The following MICA variants were observed in gnomAD, a reference collection of about 807,000 sequenced individuals.
MICA encodes the protein HLA class I antigen.
MICA carries 18 observed loss-of-function variants against 34.3 expected under a neutral mutation model. The ratio of observed to expected loss-of-function variants is 0.52; its 90% confidence interval spans 0.36 to 0.78. The LOEUF (loss-of-function observed/expected upper bound fraction) is 0.78. Ranked by LOEUF, MICA falls within the 30% of genes least tolerant of loss-of-function variation. MICA has a pLI of 0.00. For missense variants in MICA, 333 were observed against 409.4 expected, an observed-to-expected ratio of 0.81 and a Z score of 1.61; for synonymous variants, 135 against 156.9, an observed-to-expected ratio of 0.86 and a Z score of 1.04.
At position 31,412,418 on chromosome 6, in the gene MICA, G is replaced by A. The variant is rs72558178; in HGVS notation, c.986G>A (p.Cys329Tyr). ...TATTTTTGTTATTATTATTTTCTAT[G>A]TCCGTTGTTGTAAGAAGAAAACATC... ...CCYFCYYYFL[C>Y]PLL The change falls in exon 5 of 6, where the codon TGT becomes TAT. Residue 329 changes from cysteine to tyrosine, a missense_variant. Cys to Tyr is a radical substitution (Grantham distance 194, BLOSUM62 -2). Coordinates refer to ENST00000449934, the MANE Select transcript of MICA (RefSeq NM_001177519.3). 589 of 1,569,758 alleles carry A rather than the reference G, an allele frequency of 3.8e-4. 3 individuals are homozygous for A. The highest frequency in any genetic ancestry group is 1.0e-3 in the Middle Eastern group (6 of 6,004).
At chr6:31,401,902 T>C (rs570000611), upstream of MICA, among the ~76,000 whole-genome samples, 26 of 152,034 alleles carry the variant, frequency 1.7e-4, 1 homozygote, top group African/African-American at 6.0e-4. Flanking sequence ...CTAGGTTTGA[T>C]GACCTCTGCC....
chr6:31,412,058 A>T lies in MICA; in HGVS notation c.725A>T (p.Asp242Val). Residue 242 changes from aspartate to valine, a missense_variant, in exon 4 of 6, where the codon GAT (aspartate) becomes GTT (valine). By Grantham distance (152) the Asp-to-Val change is radical (BLOSUM62 -3). Coordinates refer to ENST00000449934, the MANE Select transcript of MICA (RefSeq NM_001177519.3). ...AATATCATACTGACCTGGCGTCAGG[A>T]TGGGGTATCTTTGAGCCACGACACC... ...PRNIILTWRQ[D>V]GVSLSHDTQQ... is the part of the protein sequence containing the mutation. 1 of 1,612,960 alleles carries T rather than the reference A, an allele frequency of 6.2e-7. No individual in the cohort carries two copies. The highest frequency in any genetic ancestry group is 8.5e-7 in the Non-Finnish European group (1 of 1,179,848).
At chr6:31,402,127 T>C (rs1247311460), upstream of MICA, 3 of 151,998 alleles carry the variant, frequency 2.0e-5, no homozygotes, top group African/African-American at 7.3e-5. Context: ...TTTTCCTTTT[T>C]TTCTTTTTTC....
At chr6:31,408,273 C>T (rs1416792577) in intron 1 of MICA, among the ~76,000 whole-genome samples, 2 of 151,804 alleles carry the variant, frequency 1.3e-5, no homozygotes, top group Non-Finnish European at 2.9e-5. Flanking sequence ...ATTTTTGCAT[C>T]GGTGTTCATC....
At chr6:31,412,758 C>G (rs989337270) in intron 5 of MICA, among the ~76,000 whole-genome samples, 1 of 151,742 alleles carries the variant, frequency 6.6e-6, no homozygotes, top group Non-Finnish European at 1.5e-5. Flanking sequence ...CTTGAACTCA[C>G]TAGGGCGCAT....
rs1317475926 is a variant in MICA at position 31,411,780 on chromosome 6, C to T, written c.614-167C>T. Among the ~76,000 whole-genome samples the T allele has an allele frequency of 6.6e-6, 1 of 151,896 alleles. No individual in the cohort carries two copies. The highest frequency in any genetic ancestry group is 1.5e-5 in the Non-Finnish European group (1 of 68,016). Reference sequence around the variant, plus strand: ...CTGAGGCCACAGTCCCAAGGCCCATCCTCCTGCCAGCCTGGAAGAACTGGG... The same window carrying T: ...CTGAGGCCACAGTCCCAAGGCCCATTCTCCTGCCAGCCTGGAAGAACTGGG... On this transcript the variant is annotated intron_variant, in intron 3 of 5. Coordinates refer to ENST00000449934, the MANE Select transcript of MICA (RefSeq NM_001177519.3). This position sits in a 1 kb window ranked among gnomAD's most constrained non-coding sequence, Gnocchi z 4.3.
upstream of MICA, among the ~76,000 whole-genome samples, chr6:31,402,998 AG>A (rs1240999021): frequency 6.6e-6 from 1 of 151,624 alleles, no homozygotes; most frequent in Non-Finnish European, 1.5e-5. Flanking sequence ...CAAAGGGAGG[AG>A]AAGGAGATTA....
At position 31,413,512 on chromosome 6, in the gene MICA, T is replaced by C. The variant is rs188070433; in HGVS notation, c.*29+1052T>C. On this transcript the variant is annotated intron_variant, in intron 5 of 5. Coordinates refer to ENST00000449934, the MANE Select transcript of MICA (RefSeq NM_001177519.3). ...GGATGAAAAGAGACAGCAGGAAGTT[T>C]TGTGTTTCTGCAAAGACAGAAGCAG... is the stretch of plus-strand genomic sequence containing the variant. Among the ~76,000 whole-genome samples the C allele has an allele frequency of 3.8e-3, 575 of 152,032 alleles. 6 individuals carry two copies. Among genetic ancestry groups the C allele is most frequent in the Middle Eastern group, 0.017 (5 of 292 alleles).
At chr6:31,412,711 C>T (rs1270387754) in intron 5 of MICA, among the ~76,000 whole-genome samples, 2 of 151,890 alleles carry the variant, frequency 1.3e-5, no homozygotes, top group Admixed American at 6.6e-5. Flanking sequence ...GGGAGGGCTG[C>T]GGCGCCTGCT....
chr6:31,408,140 T>C (rs114202986), intron 1 of MICA, among the ~76,000 whole-genome samples: 8,297 of 152,008 alleles, frequency 0.055, 407 homozygotes, highest in East Asian at 0.19. Flanking sequence ...ATATGACGTA[T>C]TACATTGATT....
rs774875710 is a variant in MICA at position 31,410,758 on chromosome 6, C to A, written c.286C>A (p.Leu96Ile). 3 of 1,585,050 alleles carry A rather than the reference C, an allele frequency of 1.9e-6. No homozygotes were observed. Among genetic ancestry groups the A allele is most frequent in the Non-Finnish European group, 2.6e-6 (3 of 1,165,808 alleles). ...GGACTTGACAGGGAACGGAAAGGACCTCAGGATGACCCTGGCTCATATCAA... is the reference window on the plus strand; with the variant it reads ...GGACTTGACAGGGAACGGAAAGGACATCAGGATGACCCTGGCTCATATCAA... ...TRDLTGNGKD[L>I]RMTLAHIKDQ... Residue 96 changes from leucine (L) to isoleucine (I), a missense_variant, in exon 2 of 6, where the codon CTC becomes ATC. Coordinates refer to ENST00000449934, the MANE Select transcript of MICA (RefSeq NM_001177519.3).
At chr6:31,414,769 C>T (rs1373702135) in intron 5 of MICA, among the ~76,000 whole-genome samples, 12 of 151,840 alleles carry the variant, frequency 7.9e-5, no homozygotes, top group Admixed American at 2.6e-4. Context: ...GTCTTGGGGC[C>T]CTTTCCCTCC....
intron 5 of MICA, among the ~76,000 whole-genome samples, chr6:31,412,967 C>T (rs1165943806): frequency 6.6e-6 from 1 of 151,182 alleles, no homozygotes; most frequent in Non-Finnish European, 1.5e-5. Context: ...GGGCGGACAC[C>T]GAGAAAAAGA....
chr6:31,405,971 T>A (rs1770726323), intron 1 of MICA, among the ~76,000 whole-genome samples: 1 of 151,960 alleles, frequency 6.6e-6, no homozygotes, highest in Non-Finnish European at 1.5e-5. Context: ...TGCTTGCAGA[T>A]CTTGGCTACT....
rs529968138 is a variant in MICA at position 31,412,794 on chromosome 6, G to A, written c.*29+334G>A. ...CCAGGTGGGGTGAGCTGGGAATCAC[G>A]TGCTGAATGCTAAGGGCCTGGATGA... On this transcript the variant is annotated intron_variant, in intron 5 of 5. Coordinates refer to ENST00000449934, the MANE Select transcript of MICA (RefSeq NM_001177519.3). Among the ~76,000 whole-genome samples, 58 of 149,586 alleles carry A rather than the reference G, an allele frequency of 3.9e-4. 1 individual carries two copies. The South Asian group carries it at 8.9e-3, about 23-fold the overall frequency.
At position 31,412,204 on chromosome 6, in the gene MICA, A is replaced by C; in HGVS notation, c.871A>C (p.Ser291Arg). Residue 291 changes from serine (S) to arginine (R), a missense_variant, in exon 4 of 6, where the codon AGC becomes CGC. By Grantham distance (110) the Ser-to-Arg change is moderately radical (BLOSUM62 -1). Transcript: ENST00000449934. ...CTACATGGAACACAGCGGGAATCAC[A>C]GCACTCACCCTGTGCCCTCTGGTGA... ...TCYMEHSGNHSTHPVPSGKVL... is the reference protein window; with the variant it reads ...TCYMEHSGNHRTHPVPSGKVL... 6.2e-7 allele frequency: 1 copy of C among 1,611,252 alleles called. No homozygotes were observed. The highest frequency in any genetic ancestry group is 8.5e-7 in the Non-Finnish European group (1 of 1,179,108).
In MICA at chr6:31,410,399, T is replaced by C. The variant is rs17200116; in HGVS notation, c.71-144T>C. 1.2e-4 allele frequency: 130 copies of C among 1,105,776 alleles called. 1 individual carries two copies. The highest frequency in any genetic ancestry group is 1.3e-4 in the Non-Finnish European group (107 of 793,286). 68.5% of individuals were successfully genotyped at this position (1,105,776 alleles called of 1,614,324 possible). The stretch of plus-strand genomic sequence containing the variant: ...CTATCCTCCCACCCTCACAGTTTTC[T>C]TTGTATATGAAATCCTCGTTCTTGT... On this transcript the variant is annotated intron_variant, in intron 1 of 5. Transcript: ENST00000449934.
chr6:31,414,291 A>C (rs112516307), intron 5 of MICA, among the ~76,000 whole-genome samples: 5,009 of 152,124 alleles, frequency 0.033, 144 homozygotes, highest in Middle Eastern at 0.082. Flanking sequence ...AAGGCCTCGC[A>C]GCCTCACCAA....
At position 31,415,271 on chromosome 6, in the gene MICA, C is replaced by CA. The variant is rs1457002219; in HGVS notation, c.*293dup. The CA allele has an allele frequency of 7.6e-6, 4 of 529,474 alleles. No homozygotes were observed. The highest frequency in any genetic ancestry group is 2.0e-5 in the African/African-American group (1 of 50,948). The allele number at this position is 529,474 out of a possible 1,614,324, so 32.8% of individuals were successfully genotyped here. On this transcript the variant is annotated 3_prime_UTR_variant, in exon 6 of 6. Transcript: ENST00000449934. Reference sequence around the variant, plus strand: ...ACTTATTTATTGTTGTTGGAGGCTGCAAAATGTTAGTAGATATGAGGCATT... The same window carrying CA: ...ACTTATTTATTGTTGTTGGAGGCTGCAAAAATGTTAGTAGATATGAGGCATT...
Sources: allele counts gnomAD v4.1 joint callset (sites outside exome capture counted in the v4.1 genomes callset), GRCh38; gene constraint gnomAD v4.1.1; non-coding constraint Gnocchi (gnomAD v3.1); transcripts MANE v1.5; gene names NCBI Gene and HGNC (gene_info 2026-07-23, HGNC 2026-07-21).